The following FARP2 variants were observed in gnomAD, a reference collection of about 807,000 sequenced individuals.
FARP2 encodes FERM, ARH/RhoGEF and pleckstrin domain protein 2.
FARP2 carries 111 observed loss-of-function variants against 130.5 expected under a neutral mutation model. The observed-to-expected ratio is 0.85, with a 90% CI of 0.73 to 1.00. FARP2 has a LOEUF of 1.00. Ranked by LOEUF, FARP2 falls within the 50% of genes least tolerant of loss-of-function variation. FARP2 has a pLI of 0.00. For missense variants in FARP2, 1,385 were observed against 1,346.3 expected (o/e 1.03, Z -0.45); for synonymous variants, 504 against 516.9 (o/e 0.98, Z 0.34).
At chr2:241,381,314 CTTG>C (rs762946352) in intron 2 of FARP2, among the ~76,000 whole-genome samples, 24 of 152,210 alleles carry the variant, frequency 1.6e-4, no homozygotes, top group African/African-American at 4.8e-4. Context: ...CGGCCTGCTG[CTTG>C]TTGTTGTATT....
intron 3 of FARP2, 78 bp from the exon 4 acceptor site, chr2:241,404,721 A>G (rs1389136057): frequency 8.9e-7 from 1 of 1,118,406 alleles, no homozygotes; most frequent in African/African-American, 1.6e-5. Context: ...TATTATAACC[A>G]TTTTTGTTTT....
intron 21 of FARP2, among the ~76,000 whole-genome samples, chr2:241,485,844 C>T (rs1290659963): frequency 6.7e-6 from 1 of 149,828 alleles, no homozygotes; most frequent in Non-Finnish European, 1.5e-5. Flanking sequence ...GATCCTCTCT[C>T]CCTGGGGTCC....
At position 241,435,659 on chromosome 2, in the gene FARP2, C is replaced by T. The variant is rs1301808137; in HGVS notation, c.1100+629C>T. The stretch of plus-strand genomic sequence containing the variant: ...CCCGAGTAGCTGGGACTGCAGGCGC[C>T]TGCCACCACGCCTGGCAAATCTTTT... On this transcript the variant is annotated intron_variant, in intron 11 of 26. Coordinates refer to ENST00000264042, the MANE Select transcript of FARP2 (RefSeq NM_014808.4). 2.6e-5 allele frequency among the ~76,000 whole-genome samples: 4 copies of T among 151,456 alleles called. No individual in the cohort carries two copies. The South Asian group carries it at 8.4e-4, about 32-fold the overall frequency.
At chr2:241,466,685 A>AC (rs2064180019) in intron 17 of FARP2, 6 of 596,160 alleles carry the variant, frequency 1.0e-5, no homozygotes, top group Admixed American at 9.5e-4. Flanking sequence ...CTCCCCTTCC[A>AC]ACCACCCCCC....
At chr2:241,378,980 A>G (rs2061601781) in intron 2 of FARP2, among the ~76,000 whole-genome samples, 1 of 152,184 alleles carries the variant, frequency 6.6e-6, no homozygotes, top group African/African-American at 2.4e-5. Flanking sequence ...TTTGAGCCAT[A>G]ATTGTTTTAA....
chr2:241,410,944 C>G (rs1191044978), intron 5 of FARP2, 89 bp from the exon 6 acceptor site: 7 of 913,942 alleles, frequency 7.7e-6, no homozygotes, highest in Non-Finnish European at 1.2e-5. Context: ...TCCCAGGGCT[C>G]ATTTGCTGTC....
At chr2:241,462,663 C>A in intron 15 of FARP2, 51 bp downstream of exon 15, 1 of 1,162,360 alleles carries the variant, frequency 8.6e-7, no homozygotes, top group Non-Finnish European at 1.3e-6. Context: ...AATCTCTCAT[C>A]TGAACACAGA....
At chr2:241,478,630 C>A (rs1009187360) in intron 19 of FARP2, 3 of 509,438 alleles carry the variant, frequency 5.9e-6, no homozygotes, top group Non-Finnish European at 1.2e-5. Flanking sequence ...TGGTGATTAA[C>A]AAAGACCTTG....
chr2:241,449,967 A>G (rs1446937844), intron 13 of FARP2, among the ~76,000 whole-genome samples: 1 of 151,412 alleles, frequency 6.6e-6, no homozygotes, highest in Non-Finnish European at 1.5e-5. Context: ...AGATCGCTCC[A>G]TTGCACTCCA....
At chr2:241,424,013 A>G (rs2150382479) in intron 8 of FARP2, among the ~76,000 whole-genome samples, 1 of 152,322 alleles carries the variant, frequency 6.6e-6, no homozygotes, top group African/African-American at 2.4e-5. Context: ...ATAATAGGAG[A>G]CTTTAACACC....
At chr2:241,365,974 C>CTT (rs543957880) in intron 1 of FARP2, among the ~76,000 whole-genome samples, 2 of 135,818 alleles carry the variant, frequency 1.5e-5, no homozygotes, top group Admixed American at 7.4e-5. Flanking sequence ...GGTTTATGCT[C>CTT]TTTTTTTTTT....
chr2:241,425,661 A>G (rs2062917414), intron 8 of FARP2, among the ~76,000 whole-genome samples: 1 of 148,774 alleles, frequency 6.7e-6, no homozygotes, highest in South Asian at 2.2e-4. Context: ...AAAAAAAAAA[A>G]AGTAGCCCAG....
intron 7 of FARP2, among the ~76,000 whole-genome samples, chr2:241,415,640 C>T (rs2062645006): frequency 6.6e-6 from 1 of 152,130 alleles, no homozygotes; most frequent in Non-Finnish European, 1.5e-5. Flanking sequence ...CCAGGATGAA[C>T]CCCTGAAGAA....
chr2:241,403,302 T>C (rs1015939919), intron 2 of FARP2, among the ~76,000 whole-genome samples: 1 of 152,006 alleles, frequency 6.6e-6, no homozygotes, highest in Non-Finnish European at 1.5e-5. Context: ...GCAGCCTCCT[T>C]CTTGCAAGTT....
At chr2:241,493,600 T>C in intron 26 of FARP2, 156 bp downstream of exon 26, 1 of 611,752 alleles carries the variant, frequency 1.6e-6, no homozygotes, top group South Asian at 2.1e-5. Flanking sequence ...ATGCTTTGTT[T>C]TTTTTTTTTT....
In FARP2 at chr2:241,425,268, A is replaced by G. The variant is rs539806357; in HGVS notation, c.772-6411A>G. Among the ~76,000 whole-genome samples, 3 of 152,290 alleles carry G rather than the reference A, an allele frequency of 2.0e-5. No individual in the cohort carries two copies. The East Asian group carries it at 5.8e-4, about 29-fold the overall frequency. ...AGGCAATGCCATTCAGGACACAGGC[A>G]CAGGAAGGATTTCATGACGAAAATG... On this transcript the variant is annotated intron_variant, in intron 8 of 26. Transcript: ENST00000264042.
rs538163973 is a variant in FARP2 at position 241,369,968 on chromosome 2, A to G, written c.-24-3116A>G. 2.4e-4 allele frequency among the ~76,000 whole-genome samples: 37 copies of G among 152,338 alleles called. 3 individuals carry two copies. The South Asian group carries it at 7.2e-3, about 30-fold the overall frequency. On this transcript the variant is annotated intron_variant, in intron 1 of 26. Transcript: ENST00000264042. ...TAAATAAAAGTTTGTGAAAAAGACA[A>G]ATATCATATATTCTCACTCATATGT...
intron 23 of FARP2, 60 bp downstream of exon 23, chr2:241,491,239 G>T (rs1308917009): frequency 7.8e-7 from 1 of 1,275,300 alleles, no homozygotes; most frequent in South Asian, 1.2e-5. Flanking sequence ...GCTTTTTTTG[G>T]AAACTGTTTT....
At position 241,461,281 on chromosome 2, in the gene FARP2, C is replaced by T. The variant is rs569199630; in HGVS notation, c.1588-1242C>T. Among the ~76,000 whole-genome samples, 5 of 152,282 alleles carry T rather than the reference C, an allele frequency of 3.3e-5. No individual in the cohort carries two copies. The East Asian group carries it at 9.7e-4, about 29-fold the overall frequency. On this transcript the variant is annotated intron_variant, in intron 14 of 26. Coordinates refer to ENST00000264042, the MANE Select transcript of FARP2 (RefSeq NM_014808.4). ...CAGGATCTCACCCCTCACCCCTCCG[C>T]GCCCCCCAAGCCAGTGCTGTCTCGC...
Sources: gnomAD v4.1 joint callset for allele counts (sites outside exome capture counted in the v4.1 genomes callset) on GRCh38, gnomAD v4.1.1 for gene constraint, MANE v1.5 for transcripts, NCBI Gene and HGNC (gene_info 2026-07-23, HGNC 2026-07-21) for gene names.